The following CHTF18 variants were observed in gnomAD, a reference collection of about 807,000 sequenced individuals.
CHTF18 encodes chromosome transmission fidelity factor 18.
CHTF18 carries 151 observed loss-of-function variants against 113.4 expected under a neutral mutation model. The ratio of observed to expected loss-of-function variants is 1.33; its 90% confidence interval spans 1.17 to 1.52. CHTF18 has a LOEUF of 1.52. Among genes scored for constraint, CHTF18 ranks in the 40% most tolerant of loss-of-function variants. The pLI is 0.00. For missense variants in CHTF18, 1,982 were observed against 1,381.6 expected (o/e 1.43, Z -6.89); for synonymous variants, 916 against 598.8 (o/e 1.53, Z -7.74).
chr16:797,797 G>A (rs1177989803), intron 21 of CHTF18, 42 bp from the exon 22 acceptor site: 6 of 1,585,740 alleles, frequency 3.8e-6, no homozygotes, highest in South Asian at 2.3e-5. Flanking sequence ...TGGGGGTTGT[G>A]GGGGGGCCTT....
rs757471700 is a variant in CHTF18 at position 792,250 on chromosome 16, G to A, written c.1229G>A (p.Arg410His). 5 of 1,567,552 alleles carry A rather than the reference G, an allele frequency of 3.2e-6. No homozygotes were observed. Among genetic ancestry groups the A allele is most frequent in the Middle Eastern group, 3.3e-4 (2 of 6,010 alleles). ...ASDDRSPEVF[R>H]TRIEAATQME... ...GACGACCGTAGCCCGGAGGTCTTCCGCACACGCATCGAGGCGGCCACCCAG... is the reference window on the plus strand; with the variant it reads ...GACGACCGTAGCCCGGAGGTCTTCCACACACGCATCGAGGCGGCCACCCAG... Residue 410 changes from arginine (R) to histidine (H), a missense_variant, in exon 10 of 22, where the codon CGC becomes CAC. Transcript: ENST00000262315.
chr16:790,275 G>T lies in CHTF18; in HGVS notation c.699+6G>T. 2.5e-6 allele frequency: 4 copies of T among 1,608,052 alleles called. No individual in the cohort carries two copies. Among genetic ancestry groups the T allele is most frequent in the Middle Eastern group, 3.3e-4 (2 of 6,060 alleles). ...AGAAGCAGGTCGACGGCGAGGTAGG[G>T]GCTGCGGGTTTGCTGGGGGGCGGTG... On this transcript the variant is annotated splice_donor_region_variant and intron_variant, in intron 5 of 21. Transcript: ENST00000262315.
chr16:789,012 G>A lies in CHTF18; in HGVS notation c.173G>A (p.Arg58Lys). ...CGGACGTTCGAGGAGGCCCTTGCCAGAGGGGACGCGGCCTCCAGTCCCGCC... is the reference window on the plus strand; with the variant it reads ...CGGACGTTCGAGGAGGCCCTTGCCAAAGGGGACGCGGCCTCCAGTCCCGCC... ...PPRTFEEALA[R>K]GDAASSPAPA... The change falls in exon 2 of 22, where the codon AGA becomes AAA. Residue 58 changes from arginine to lysine, a missense_variant. Physicochemically the swap from Arg to Lys is conservative, Grantham distance 26. Coordinates refer to ENST00000262315, the MANE Select transcript of CHTF18 (RefSeq NM_022092.3). 6.5e-7 allele frequency: 1 copy of A among 1,545,320 alleles called. No individual in the cohort carries two copies. The highest frequency in any genetic ancestry group is 2.4e-5 in the East Asian group (1 of 41,118).
In CHTF18 at chr16:792,653, C is replaced by T; in HGVS notation, c.1478+63C>T. ...CTGGTGCCTGGAGGGAGGGTTCCGG[C>T]CCGTCCCTGTGTCCTGGGCTGTGGT... On this transcript the variant is annotated intron_variant, in intron 11 of 21. Coordinates refer to ENST00000262315, the MANE Select transcript of CHTF18 (RefSeq NM_022092.3). The T allele has an allele frequency of 3.1e-6, 5 of 1,590,150 alleles. No individual in the cohort carries two copies. The South Asian group carries it at 4.5e-5, about 14-fold the overall frequency.
chr16:796,535 C>T (rs973512954), intron 18 of CHTF18, 182 bp from the exon 19 acceptor site: 1 of 671,460 alleles, frequency 1.5e-6, no homozygotes, highest in Non-Finnish European at 2.4e-6. Context: ...GTTGGGGAAA[C>T]TGAGGCTCGG....
rs774752954 is a variant in CHTF18 at position 789,695 on chromosome 16, C to G, written c.586C>G (p.Pro196Ala). 6.3e-6 allele frequency: 10 copies of G among 1,594,832 alleles called. No homozygotes were observed. In the African/African-American group the frequency reaches 8.0e-5, roughly 13 times the overall value. Residue 196 changes from proline to alanine, a missense_variant, in exon 4 of 22, where the codon CCC becomes GCC. Pro to Ala is a conservative substitution (Grantham distance 27). Transcript: ENST00000262315. ...GGCTTATCTGGTGCTGCGTGCTGAC[C>G]CCATGGCCCCGGGGGTGCAGGTGCG... ...VRAYLVLRAD[P>A]MAPGVQGSLL...
chr16:790,152 G>A, intron 4 of CHTF18, 25 bp from the exon 5 acceptor site: 6 of 1,571,814 alleles, frequency 3.8e-6, no homozygotes, highest in Middle Eastern at 1.7e-4. Context: ...GGGGCCCAGA[G>A]GCAATTGTCC....
Position 795,672 on chromosome 16 carries a change from C to T in CHTF18, c.2176-13C>T, listed in dbSNP as rs749873213. 2.5e-6 allele frequency: 4 copies of T among 1,578,188 alleles called. No homozygotes were observed. Among genetic ancestry groups the T allele is most frequent in the Non-Finnish European group, 3.4e-6 (4 of 1,166,144 alleles). On this transcript the variant is annotated splice_polypyrimidine_tract_variant and intron_variant, in intron 16 of 21. Coordinates refer to ENST00000262315, the MANE Select transcript of CHTF18 (RefSeq NM_022092.3). ...GCCCAGGTGACCAGGCCTTGGCTCACCCCCTGCCCCAGGCCCAGAACCGGA... is the reference window on the plus strand; with the variant it reads ...GCCCAGGTGACCAGGCCTTGGCTCATCCCCTGCCCCAGGCCCAGAACCGGA...
Position 795,268 on chromosome 16 carries a change from G to A in CHTF18, c.2087G>A (p.Arg696His), listed in dbSNP as rs2042304929. The change falls in exon 16 of 22, where the codon CGC (arginine) becomes CAC (histidine). Residue 696 changes from arginine (R) to histidine (H), a missense_variant. Transcript: ENST00000262315. ...CACAGCCAGAGCTTCCAGCTGCTGCGCTACCCACCCTTCCTGCCCGTGGCC... is the reference window on the plus strand; with the variant it reads ...CACAGCCAGAGCTTCCAGCTGCTGCACTACCCACCCTTCCTGCCCGTGGCC... The part of the protein sequence containing the change: ...AHHSQSFQLL[R>H]YPPFLPVAFH... 5 of 1,549,180 alleles carry A rather than the reference G, an allele frequency of 3.2e-6. No homozygotes were observed. Among genetic ancestry groups the A allele is most frequent in the African/African-American group, 1.4e-5 (1 of 73,046 alleles).
chr16:795,099 G>C, intron 15 of CHTF18, 33 bp from the exon 16 acceptor site: 1 of 1,499,432 alleles, frequency 6.7e-7, no homozygotes, highest in Non-Finnish European at 9.0e-7. Context: ...CCCTGGGGTG[G>C]GCAGGAGCTC....
intron 14 of CHTF18, 30 bp from the exon 15 acceptor site, chr16:794,024 G>A (rs768290132): frequency 5.0e-6 from 8 of 1,599,616 alleles, no homozygotes; most frequent in South Asian, 1.1e-5. Flanking sequence ...TTTAACACGG[G>A]TCCATCTAGC....
rs765069286 is a variant in CHTF18 at position 796,034 on chromosome 16, C to T, written c.2413C>T (p.Gln805Ter). ...TMLAYSLTYRQERTPDGQYIY... is the reference protein window; with the variant it reads ...TMLAYSLTYR ...GCTCGCTTACAGCCTGACCTACCGC[C>T]AGGAGCGCACGCCCGATGGCCAGTA... is the stretch of plus-strand genomic sequence containing the variant. Residue 805 changes from glutamine (Q) to a stop codon, truncating the protein, a stop_gained, in exon 18 of 22, where the codon CAG becomes TAG. Transcript: ENST00000262315. LOFTEE classifies it high-confidence loss of function. The T allele has an allele frequency of 6.2e-7, 1 of 1,605,624 alleles. No individual in the cohort carries two copies. The highest frequency in any genetic ancestry group is 8.5e-7 in the Non-Finnish European group (1 of 1,176,842).
Position 795,972 on chromosome 16 carries a change from G to A in CHTF18, c.2351G>A (p.Arg784His), listed in dbSNP as rs749716607. The change falls in exon 18 of 22, where the codon CGT becomes CAT. Residue 784 changes from arginine to histidine, a missense_variant. Transcript: ENST00000262315. The part of the protein sequence containing the change: ...RPVSTQLYST[R>H]EKQQLASLVG... ...GTGAGCACACAGCTGTACAGCACCC[G>A]TGAAAAGCAACAGCTGGCCAGCCTG... 1.2e-5 allele frequency: 20 copies of A among 1,609,142 alleles called. No individual in the cohort carries two copies. Among genetic ancestry groups the A allele is most frequent in the African/African-American group, 4.0e-5 (3 of 74,838 alleles).
chr16:793,366 C>T lies in CHTF18; in HGVS notation c.1802+92C>T, dbSNP rs1250082827. Reference sequence around the variant, plus strand: ...GTGCAGGCCAGCACTACCTTCGAGGCGGGGACTCAGTGTCCTGAGCCCGCG... The same window carrying T: ...GTGCAGGCCAGCACTACCTTCGAGGTGGGGACTCAGTGTCCTGAGCCCGCG... On this transcript the variant is annotated intron_variant, in intron 14 of 21. Transcript: ENST00000262315. 73 of 1,475,786 alleles carry T rather than the reference C, an allele frequency of 4.9e-5. No homozygotes were observed. The highest frequency in any genetic ancestry group is 1.2e-4 in the East Asian group (5 of 40,862). The allele number at this position is 1,475,786 out of a possible 1,614,324, so 91.4% of individuals were successfully genotyped here. A position where few individuals can be genotyped will look rare whatever the true frequency, so the allele number is the denominator to read the frequency against.
chr16:794,152 G>A lies in CHTF18; in HGVS notation c.1901G>A (p.Arg634His), dbSNP rs757008894. The change falls in exon 15 of 22, where the codon CGT becomes CAT. Residue 634 changes from arginine (R) to histidine (H), a missense_variant. By Grantham distance (29) the Arg-to-His change is conservative. Transcript: ENST00000262315. ...ACCTCCGCCTCACAGCGATTCTACCGTGTCCTGCATGCCGCTGCCTCTGCG... is the reference window on the plus strand; with the variant it reads ...ACCTCCGCCTCACAGCGATTCTACCATGTCCTGCATGCCGCTGCCTCTGCG... ...SLTSASQRFY[R>H]VLHAAASAGE... 5 of 1,612,442 alleles carry A rather than the reference G, an allele frequency of 3.1e-6. No individual in the cohort carries two copies. The Admixed American group carries it at 5.0e-5, about 16-fold the overall frequency.
rs375594054 is a variant in CHTF18, at chr16:795,292, C to T, written c.2111C>T (p.Ala704Val). ...CGCTACCCACCCTTCCTGCCCGTGG[C>T]CTTCCATGTGCTGTTTGCTTCCAGC... ...LLRYPPFLPV[A>V]FHVLFASSHT... Residue 704 changes from alanine (A) to valine (V), a missense_variant, in exon 16 of 22, where the codon GCC becomes GTC. Physicochemically the swap from Ala to Val is moderately conservative, Grantham distance 64 (BLOSUM62 0). Coordinates refer to ENST00000262315, the MANE Select transcript of CHTF18 (RefSeq NM_022092.3). 5.4e-5 allele frequency: 84 copies of T among 1,548,840 alleles called. No homozygotes were observed. In the African/African-American group the frequency reaches 1.1e-3, roughly 20 times the overall value.
rs1156900623 is a variant in CHTF18, at chr16:796,868, C to T, written c.2601+7C>T. On this transcript the variant is annotated splice_region_variant and intron_variant, in intron 19 of 21. Coordinates refer to ENST00000262315, the MANE Select transcript of CHTF18 (RefSeq NM_022092.3). The stretch of plus-strand genomic sequence containing the variant: ...GGTAGAGAACAGCCCCCAGGTGAGC[C>T]CACCCAGGCTCTGGAGCAGGTTGCA... 3 of 1,586,884 alleles carry T rather than the reference C, an allele frequency of 1.9e-6. No individual in the cohort carries two copies. The South Asian group carries it at 3.4e-5, about 18-fold the overall frequency.
In CHTF18 at chr16:790,846, T is replaced by G. The variant is rs963974976; in HGVS notation, c.894+180T>G. On this transcript the variant is annotated intron_variant, in intron 7 of 21. Coordinates refer to ENST00000262315, the MANE Select transcript of CHTF18 (RefSeq NM_022092.3). ...ACAGGGCTGTGTGCTACTGGTCCCC[T>G]GTGACCTGTGAGGCAGGCTAGGGGT... The G allele has an allele frequency of 2.4e-5, 35 of 1,431,650 alleles. No individual in the cohort carries two copies. The Admixed American group carries it at 1.0e-3, about 42-fold the overall frequency. 88.7% of individuals were successfully genotyped at this position (1,431,650 alleles called of 1,614,324 possible). A position where few individuals can be genotyped will look rare whatever the true frequency, so the allele number is the denominator to read the frequency against.
chr16:795,989 G>A lies in CHTF18; in HGVS notation c.2368G>A (p.Ala790Thr), dbSNP rs760973515. 9 of 1,608,708 alleles carry A rather than the reference G, an allele frequency of 5.6e-6. No individual in the cohort carries two copies. The East Asian group carries it at 9.0e-5, about 16-fold the overall frequency. The change falls in exon 18 of 22, where the codon GCC (alanine) becomes ACC (threonine). Residue 790 changes from alanine to threonine, a missense_variant. By Grantham distance (58) the Ala-to-Thr change is moderately conservative. Transcript: ENST00000262315. The part of the protein sequence containing the change: ...LYSTREKQQL[A>T]SLVGTMLAYS... ...CAGCACCCGTGAAAAGCAACAGCTG[G>A]CCAGCCTGGTGGGCACGATGCTCGC...
Sources: gnomAD v4.1 joint callset for allele counts on GRCh38, gnomAD v4.1.1 for gene constraint, MANE v1.5 for transcripts, NCBI Gene and HGNC (gene_info 2026-07-23, HGNC 2026-07-21) for gene names.